The following PRRX2 variants were observed in gnomAD, a reference collection of about 807,000 sequenced individuals.
PRRX2 encodes paired related homeobox 2.
Under a neutral mutation model 18.0 loss-of-function variants are expected in PRRX2, and 11 were observed. The observed-to-expected ratio is 0.61, with a 90% confidence interval of 0.39 to 1.01. The LOEUF is 1.01. Among genes scored for constraint, PRRX2 ranks in the 50% least tolerant of loss-of-function variants. PRRX2 has a pLI of 0.01. For missense variants in PRRX2, 387 were observed against 351.0 expected (o/e 1.10, Z -0.82); for synonymous variants, 177 against 154.8 (o/e 1.14, Z -1.06).
intron 1 of PRRX2, among the ~76,000 whole-genome samples, chr9:129,676,178 G>A (rs920235474): frequency 6.6e-6 from 1 of 152,208 alleles, no homozygotes; most frequent in South Asian, 2.1e-4. Context: ...CTTGCTGAGA[G>A]CCCATGTCTG....
chr9:129,680,975 A>T (rs982661745), intron 1 of PRRX2, among the ~76,000 whole-genome samples: 5 of 152,256 alleles, frequency 3.3e-5, no homozygotes, highest in Non-Finnish European at 7.3e-5. Flanking sequence ...TAATTACGAC[A>T]TCTAGAAGGT....
chr9:129,669,659 A>G (rs16931386), intron 1 of PRRX2, among the ~76,000 whole-genome samples: 2,536 of 152,210 alleles, frequency 0.017, 34 homozygotes, highest in South Asian at 0.061. Flanking sequence ...AAGTGCTTGC[A>G]TCTAAGGCAC....
chr9:129,720,244 G>T (rs980552356), intron 2 of PRRX2, among the ~76,000 whole-genome samples: 2 of 141,134 alleles, frequency 1.4e-5, no homozygotes, highest in African/African-American at 5.5e-5. Flanking sequence ...CTCAGCAAGA[G>T]CCTCTCCCCC....
intron 1 of PRRX2, among the ~76,000 whole-genome samples, chr9:129,669,241 C>T (rs1428812860): frequency 6.6e-6 from 1 of 152,162 alleles, no homozygotes; most frequent in Non-Finnish European, 1.5e-5. Context: ...TAAGACCAGG[C>T]TCCCTCCAGA....
At chr9:129,693,371 A>T (rs893604793) in intron 1 of PRRX2, among the ~76,000 whole-genome samples, 1 of 152,222 alleles carries the variant, frequency 6.6e-6, no homozygotes, top group Non-Finnish European at 1.5e-5. Flanking sequence ...AGGCGGGCGG[A>T]TCACCTGAGG....
chr9:129,687,761 G>GGGCA (rs1462382616), intron 1 of PRRX2, among the ~76,000 whole-genome samples: 1 of 152,214 alleles, frequency 6.6e-6, no homozygotes, highest in African/African-American at 2.4e-5. Flanking sequence ...CAGGAGACAA[G>GGGCA]GGCAGGCAGA....
chr9:129,687,404 T>A (rs1048821178), intron 1 of PRRX2, among the ~76,000 whole-genome samples: 4 of 152,098 alleles, frequency 2.6e-5, no homozygotes, highest in Admixed American at 6.5e-5. Flanking sequence ...CTGACCACCT[T>A]CCAGGCATCA....
intron 1 of PRRX2, among the ~76,000 whole-genome samples, chr9:129,703,837 T>C (rs150901413): frequency 3.3e-5 from 5 of 152,266 alleles, no homozygotes; most frequent in Non-Finnish European, 7.3e-5. Context: ...AAATGGGTCA[T>C]AGAAACCTCC....
At chr9:129,721,329 T>C (rs1239919897) in intron 3 of PRRX2, among the ~76,000 whole-genome samples, 4 of 152,012 alleles carry the variant, frequency 2.6e-5, no homozygotes, top group African/African-American at 9.7e-5. Flanking sequence ...GGCAGTTTTG[T>C]CTGGATCAAA....
chr9:129,720,822 C>A, intron 3 of PRRX2, 48 bp downstream of exon 3: 1 of 1,478,916 alleles, frequency 6.8e-7, no homozygotes, highest in Non-Finnish European at 9.0e-7. Flanking sequence ...CTCGAGGAAT[C>A]CCAGAGGGCT....
rs1832598073 is a variant in PRRX2, at chr9:129,709,741, G to A, written c.260-9490G>A. Among the ~76,000 whole-genome samples, 7 of 152,136 alleles carry A rather than the reference G, an allele frequency of 4.6e-5. No individual in the cohort carries two copies. Among genetic ancestry groups the A allele is most frequent in the Admixed American group, 4.6e-4 (7 of 15,274 alleles). Reference sequence around the variant, plus strand: ...TGAGGTGAAACATTCTTAAAAGTGTGGCAGGGCAGTGGCTGGTGGTGGCCG... The same window carrying A: ...TGAGGTGAAACATTCTTAAAAGTGTAGCAGGGCAGTGGCTGGTGGTGGCCG... On this transcript the variant is annotated intron_variant, in intron 1 of 3. Transcript: ENST00000372469. This position sits in a 1 kb window ranked among gnomAD's most constrained non-coding sequence, Gnocchi z 4.2.
intron 1 of PRRX2, among the ~76,000 whole-genome samples, chr9:129,672,940 G>T (rs1456996678): frequency 6.6e-6 from 1 of 151,722 alleles, no homozygotes; most frequent in African/African-American, 2.4e-5. Flanking sequence ...GTCATTTTCC[G>T]AACACCTATA....
intron 1 of PRRX2, among the ~76,000 whole-genome samples, chr9:129,711,809 C>T (rs956073358): frequency 1.3e-5 from 2 of 152,150 alleles, no homozygotes; most frequent in African/African-American, 2.4e-5. Flanking sequence ...CCGGCCACCT[C>T]CTTAACCAGT....
rs541480067 is a variant in PRRX2 at position 129,709,215 on chromosome 9, G to C, written c.260-10016G>C. Among the ~76,000 whole-genome samples, 3 of 152,338 alleles carry C rather than the reference G, an allele frequency of 2.0e-5. No individual in the cohort carries two copies. The South Asian group carries it at 6.2e-4, about 32-fold the overall frequency. Reference sequence around the variant, plus strand: ...GTGCTTGTGCTCCCTTCCAGGGGCAGCTCCTGCTGGGTCACTGGCCCCTCC... The same window carrying C: ...GTGCTTGTGCTCCCTTCCAGGGGCACCTCCTGCTGGGTCACTGGCCCCTCC... On this transcript the variant is annotated intron_variant, in intron 1 of 3. Coordinates refer to ENST00000372469, the MANE Select transcript of PRRX2 (RefSeq NM_016307.4). This position sits in a 1 kb window ranked among gnomAD's most constrained non-coding sequence, Gnocchi z 4.2.
chr9:129,670,133 C>G (rs1430055117), intron 1 of PRRX2, among the ~76,000 whole-genome samples: 6 of 150,680 alleles, frequency 4.0e-5, no homozygotes, highest in African/African-American at 1.5e-4. Flanking sequence ...AATGTGACGT[C>G]TACAGGGCTC....
At chr9:129,682,723 T>G (rs754995079) in intron 1 of PRRX2, among the ~76,000 whole-genome samples, 24 of 152,278 alleles carry the variant, frequency 1.6e-4, no homozygotes, top group Admixed American at 4.6e-4. Context: ...AGCCTGGGCC[T>G]GTGGCGGGGT....
Position 129,715,345 on chromosome 9 carries a change from C to T in PRRX2, c.260-3886C>T, listed in dbSNP as rs111639002. Among the ~76,000 whole-genome samples the T allele has an allele frequency of 6.6e-6, 1 of 152,224 alleles. No homozygotes were observed. The highest frequency in any genetic ancestry group is 2.4e-5 in the African/African-American group (1 of 41,534). ...GCATGGTGGCTCGTGCCTGTAATCC[C>T]AGTACTTTGGGAGGCTGAGGCAGGA... On this transcript the variant is annotated intron_variant, in intron 1 of 3. Transcript: ENST00000372469. The surrounding 1 kb of genome is among the most constrained non-coding windows in gnomAD (Gnocchi z 4.0).
chr9:129,665,721 A>G lies in PRRX2; in HGVS notation c.-147A>G. ...GCGGAAAGTTTGTTTCCCCGACGTC[A>G]GCGCCGGGCGGGCCGCGAGGCTAGG... On this transcript the variant is annotated 5_prime_UTR_variant, in exon 1 of 4. Coordinates refer to ENST00000372469, the MANE Select transcript of PRRX2 (RefSeq NM_016307.4). The surrounding 1 kb of genome is among the most constrained non-coding windows in gnomAD (Gnocchi z 5.3). 3.8e-6 allele frequency: 2 copies of G among 520,780 alleles called. No homozygotes were observed. The allele number at this position is 520,780 out of a possible 1,614,324, so 32.3% of individuals were successfully genotyped here.
rs1588158640 is a variant in PRRX2, at chr9:129,665,949, C to A, written c.82C>A (p.Pro28Thr). ...GPPPPPPALG[P>T]GDCAQARKNF... is the part of the protein sequence containing the mutation. The stretch of plus-strand genomic sequence containing the variant: ...GCCGCCGCCTCCACCCGCGCTGGGG[C>A]CCGGCGACTGCGCCCAGGCGCGCAA... The change falls in exon 1 of 4, where the codon CCC (proline) becomes ACC (threonine). Residue 28 changes from proline (P) to threonine (T), a missense_variant. Physicochemically the swap from Pro to Thr is conservative, Grantham distance 38 (BLOSUM62 -1). Transcript: ENST00000372469. The surrounding 1 kb of genome is among the most constrained non-coding windows in gnomAD (Gnocchi z 5.3). 8.8e-7 allele frequency: 1 copy of A among 1,138,562 alleles called. No individual in the cohort carries two copies. Among genetic ancestry groups the A allele is most frequent in the Non-Finnish European group, 1.1e-6 (1 of 922,594 alleles). The allele number at this position is 1,138,562 out of a possible 1,614,324, so 70.5% of individuals were successfully genotyped here. A position where few individuals can be genotyped will look rare whatever the true frequency, so the allele number is the denominator to read the frequency against.
Sources: allele counts gnomAD v4.1 joint callset (sites outside exome capture counted in the v4.1 genomes callset), GRCh38; gene constraint gnomAD v4.1.1; non-coding constraint Gnocchi (gnomAD v3.1); transcripts MANE v1.5; gene names NCBI Gene and HGNC (gene_info 2026-07-23, HGNC 2026-07-21).